GABRB3: variants seen among roughly 807,000 people sequenced by gnomAD.
The protein encoded by GABRB3 is gamma-aminobutyric acid receptor subunit beta-3.
A neutral mutation model predicts 52.1 loss-of-function variants in GABRB3; 14 were observed. The observed-to-expected ratio is 0.27, with a 90% CI of 0.18 to 0.42. The LOEUF is 0.42. GABRB3 is among the 10% of genes least tolerant of loss of function. The pLI is 1.00. For missense variants in GABRB3, 307 were observed against 609.1 expected, an observed-to-expected ratio of 0.50 and a Z score of 5.22; for synonymous variants, 260 against 232.3, an observed-to-expected ratio of 1.12 and a Z score of -1.08.
chr15:26,714,901 A>AGT (rs1889419154), intron 3 of GABRB3, among the ~76,000 whole-genome samples: 4 of 152,222 alleles, frequency 2.6e-5, no homozygotes, highest in Admixed American at 2.0e-4. Context: ...GAGAACACTA[A>AGT]GTTCTCAGAG....
chr15:26,577,203 T>G (rs746675476), intron 6 of GABRB3, among the ~76,000 whole-genome samples: 1 of 151,736 alleles, frequency 6.6e-6, no homozygotes, highest in Non-Finnish European at 1.5e-5. Flanking sequence ...CAACCAGAGA[T>G]TCAAGAAGGT....
At chr15:26,629,353 C>T (rs1034889803) in intron 3 of GABRB3, among the ~76,000 whole-genome samples, 6 of 152,202 alleles carry the variant, frequency 3.9e-5, no homozygotes, top group African/African-American at 1.4e-4. Flanking sequence ...CCTCCCTGTG[C>T]GCGGCGCTGT....
chr15:26,756,717 AT>A (rs911233184), intron 3 of GABRB3, among the ~76,000 whole-genome samples: 81 of 21,460 alleles, frequency 3.8e-3, no homozygotes, highest in South Asian at 0.026. Flanking sequence ...ATAAAAACCC[AT>A]GGGGTGTACA....
chr15:26,613,784 C>T (rs1315915884), intron 4 of GABRB3: 2 of 152,110 alleles, frequency 1.3e-5, no homozygotes, highest in African/African-American at 4.8e-5. Context: ...TGGATAAGTG[C>T]TATGATAACA....
intron 4 of GABRB3, among the ~76,000 whole-genome samples, chr15:26,619,339 T>TA (rs1308291611): frequency 6.6e-6 from 1 of 151,622 alleles, no homozygotes; most frequent in Non-Finnish European, 1.5e-5. Context: ...TATGCAGCCA[T>TA]AAAAAATGAT....
chr15:26,630,883 A>G (rs1892895863), intron 3 of GABRB3, among the ~76,000 whole-genome samples: 1 of 152,238 alleles, frequency 6.6e-6, no homozygotes, highest in East Asian at 1.9e-4. Context: ...ACAAATTTGT[A>G]CATCATTTGC....
intron 4 of GABRB3, among the ~76,000 whole-genome samples, chr15:26,602,597 A>G (rs1447771535): frequency 6.6e-6 from 1 of 152,104 alleles, no homozygotes; most frequent in Non-Finnish European, 1.5e-5. Flanking sequence ...CTACGAATCA[A>G]TAATAAGAGG....
intron 2 of GABRB3, 97 bp from the exon 3 acceptor site, chr15:26,772,566 AG>A (rs1457116680): frequency 3.2e-5 from 46 of 1,449,820 alleles, no homozygotes; most frequent in Non-Finnish European, 4.1e-5. Flanking sequence ...GCGCGGGCGA[AG>A]GGCCCCCACT....
At chr15:26,679,291 G>C (rs899540444) in intron 3 of GABRB3, among the ~76,000 whole-genome samples, 1 of 152,152 alleles carries the variant, frequency 6.6e-6, no homozygotes, top group African/African-American at 2.4e-5. Context: ...ACTGAAATCT[G>C]TTTCTGACCT....
At chr15:26,670,377 G>A (rs770192870) in intron 3 of GABRB3, among the ~76,000 whole-genome samples, 1 of 152,172 alleles carries the variant, frequency 6.6e-6, no homozygotes, top group Admixed American at 6.5e-5. Context: ...CATGGGCTCC[G>A]GGAGGTGGCA....
At chr15:26,772,349 C>A in intron 3 of GABRB3, 53 bp downstream of exon 3, 2 of 1,508,906 alleles carry the variant, frequency 1.3e-6, no homozygotes, top group Non-Finnish European at 1.8e-6. Context: ...CGCCTGTGAT[C>A]CCAGACAGCG....
intron 4 of GABRB3, among the ~76,000 whole-genome samples, chr15:26,584,633 A>C (rs1215345879): frequency 6.6e-6 from 1 of 152,234 alleles, no homozygotes; most frequent in Non-Finnish European, 1.5e-5. Context: ...TCCACCATGC[A>C]ATGGTTAAGC....
chr15:26,761,549 T>C (rs1323656251), intron 3 of GABRB3, among the ~76,000 whole-genome samples: 1 of 152,022 alleles, frequency 6.6e-6, no homozygotes, highest in Admixed American at 6.6e-5. Context: ...CTATACTATA[T>C]ATTCTCATTG....
At chr15:26,571,630 T>C (rs1312824797) in intron 6 of GABRB3, among the ~76,000 whole-genome samples, 2 of 152,092 alleles carry the variant, frequency 1.3e-5, no homozygotes, top group Non-Finnish European at 2.9e-5. Flanking sequence ...AAACAAACAC[T>C]TGGACGATCA....
chr15:26,552,330 T>C (rs1190155759), intron 8 of GABRB3, among the ~76,000 whole-genome samples: 1 of 152,210 alleles, frequency 6.6e-6, no homozygotes, highest in African/African-American at 2.4e-5. Context: ...CTGTCCTTTC[T>C]GTTTTCTTTC....
At chr15:26,713,624 A>G (rs1889373305) in intron 3 of GABRB3, among the ~76,000 whole-genome samples, 1 of 152,208 alleles carries the variant, frequency 6.6e-6, no homozygotes, top group African/African-American at 2.4e-5. Flanking sequence ...GGGAAGAATG[A>G]ATGCCATGGA....
intron 5 of GABRB3, among the ~76,000 whole-genome samples, chr15:26,580,825 A>G (rs905346133): frequency 6.6e-6 from 1 of 152,244 alleles, no homozygotes; most frequent in Admixed American, 6.5e-5. Flanking sequence ...TGAAGTATGA[A>G]GAATTCCAGA....
At chr15:26,764,081 C>T (rs4445867) in intron 3 of GABRB3, among the ~76,000 whole-genome samples, 97,317 of 144,740 alleles carry the variant, frequency 0.67, 32,822 homozygotes, top group South Asian at 0.73. Flanking sequence ...ACCCGGGAGG[C>T]GGCGGTTGCA....
At chr15:26,550,915 G>T (rs1166831476) in intron 8 of GABRB3, among the ~76,000 whole-genome samples, 1 of 152,196 alleles carries the variant, frequency 6.6e-6, no homozygotes, top group African/African-American at 2.4e-5. Context: ...AGGTGAGAGG[G>T]AAGATACATT....
Sources: gnomAD v4.1 joint callset for allele counts (sites outside exome capture counted in the v4.1 genomes callset) on GRCh38, gnomAD v4.1.1 for gene constraint, MANE v1.5 for transcripts, NCBI Gene and HGNC (gene_info 2026-07-23, HGNC 2026-07-21) for gene names.